TRAPPC9: variants seen among roughly 807,000 people sequenced by gnomAD.
The protein encoded by TRAPPC9 is IKK2 binding protein.
Under a neutral mutation model 124.0 loss-of-function variants are expected in TRAPPC9, and 83 were observed. The ratio of observed to expected loss-of-function variants is 0.67; its 90% CI spans 0.56 to 0.80. TRAPPC9 has a LOEUF of 0.80. Among genes scored for constraint, TRAPPC9 ranks in the 30% least tolerant of loss-of-function variants. The probability of loss-of-function intolerance (pLI) is 0.00; values close to 1 mark genes in which losing one functional copy is unlikely to be tolerated. For synonymous variants in TRAPPC9, 638 were observed against 617.5 expected (o/e 1.03, Z -0.49); for missense variants, 1,302 against 1,508.3 (o/e 0.86, Z 2.27).
At chr8:139,992,978 T>A (rs1837736642) in intron 18 of TRAPPC9, among the ~76,000 whole-genome samples, 1 of 152,046 alleles carries the variant, frequency 6.6e-6, no homozygotes. Flanking sequence ...GAACAGTTCA[T>A]GACCTTGGAA....
chr8:140,217,753 T>C (rs1488428724), intron 17 of TRAPPC9, among the ~76,000 whole-genome samples: 8 of 152,124 alleles, frequency 5.3e-5, no homozygotes, highest in Admixed American at 5.2e-4. Flanking sequence ...CGGTGGCTCA[T>C]GCCAGTAATC....
At chr8:140,382,411 GA>G (rs531842361) in intron 7 of TRAPPC9, among the ~76,000 whole-genome samples, 9 of 152,242 alleles carry the variant, frequency 5.9e-5, no homozygotes, top group Non-Finnish European at 1.2e-4. Flanking sequence ...TGTGACAGAT[GA>G]CACCTGGAAA....
chr8:140,443,160 G>A (rs1327279847), intron 2 of TRAPPC9, among the ~76,000 whole-genome samples: 1 of 119,976 alleles, frequency 8.3e-6, no homozygotes, highest in Admixed American at 9.1e-5. Flanking sequence ...AAAAAGCCAG[G>A]CGCGGTGGCT....
chr8:140,367,945 C>T (rs1187364901), intron 8 of TRAPPC9, among the ~76,000 whole-genome samples: 1 of 151,980 alleles, frequency 6.6e-6, no homozygotes, highest in Non-Finnish European at 1.5e-5. Flanking sequence ...CCAGGGAACA[C>T]CGAGGAAAAA....
intron 21 of TRAPPC9, among the ~76,000 whole-genome samples, chr8:139,882,853 TA>T (rs541594453): frequency 1.9e-3 from 282 of 152,304 alleles, no homozygotes; most frequent in Non-Finnish European, 3.2e-3. Context: ...GTCACATAGC[TA>T]ACACATGATA....
intron 11 of TRAPPC9, among the ~76,000 whole-genome samples, chr8:140,294,069 C>T (rs1320742557): frequency 1.3e-5 from 2 of 151,942 alleles, no homozygotes; most frequent in Non-Finnish European, 2.9e-5. Flanking sequence ...GGCCCGCCTG[C>T]CTGTCCTATG....
chr8:140,429,982 A>G (rs888752139), intron 4 of TRAPPC9, among the ~76,000 whole-genome samples: 1 of 151,592 alleles, frequency 6.6e-6, no homozygotes, highest in Admixed American at 6.6e-5. Flanking sequence ...CCGTGTCTCC[A>G]CTAAACATAC....
chr8:139,733,913 G>A (rs1000624177), intron 21 of TRAPPC9, among the ~76,000 whole-genome samples: 1 of 152,232 alleles, frequency 6.6e-6, no homozygotes, highest in Non-Finnish European at 1.5e-5. Flanking sequence ...GGCTCACACG[G>A]TCAGGCCAGA....
intron 21 of TRAPPC9, among the ~76,000 whole-genome samples, chr8:139,738,394 G>A (rs1818339714): frequency 1.3e-5 from 2 of 152,216 alleles, no homozygotes; most frequent in South Asian, 4.1e-4. Context: ...CTCTCCCATG[G>A]CAGAAGGAGC....
intron 17 of TRAPPC9, among the ~76,000 whole-genome samples, chr8:140,089,462 G>T (rs569268118): frequency 6.6e-6 from 1 of 152,194 alleles, no homozygotes; most frequent in African/African-American, 2.4e-5. Flanking sequence ...GTCCTACTAC[G>T]TGAAATAAGG....
intron 9 of TRAPPC9, among the ~76,000 whole-genome samples, chr8:140,327,586 G>T (rs1485242006): frequency 1.3e-5 from 2 of 152,072 alleles, no homozygotes; most frequent in Non-Finnish European, 2.9e-5. Context: ...GCCCTAAAAA[G>T]GAATGAAATT....
At chr8:140,046,756 A>G (rs1050458618) in intron 17 of TRAPPC9, among the ~76,000 whole-genome samples, 5 of 152,198 alleles carry the variant, frequency 3.3e-5, no homozygotes, top group Non-Finnish European at 7.3e-5. Context: ...GAATTGCCCC[A>G]TATTTTATAA....
intron 19 of TRAPPC9, chr8:139,931,942 C>T (rs1833171553): frequency 5.1e-6 from 1 of 194,702 alleles, no homozygotes; most frequent in South Asian, 9.7e-5. Context: ...ATAAAAATCA[C>T]CCAGAGTTGT....
chr8:139,782,717 T>C (rs1042216767), intron 21 of TRAPPC9, among the ~76,000 whole-genome samples: 1 of 152,222 alleles, frequency 6.6e-6, no homozygotes, highest in Non-Finnish European at 1.5e-5. Context: ...CTTGTTCTAA[T>C]CAATATTTAC....
chr8:140,287,745 C>G lies in TRAPPC9; in HGVS notation c.1855-11G>C, dbSNP rs751545259. 1.2e-6 allele frequency: 2 copies of G among 1,614,048 alleles called. No homozygotes were observed. Among genetic ancestry groups the G allele is most frequent in the Non-Finnish European group, 1.7e-6 (2 of 1,180,018 alleles). ...GCTGGTGAGCAGCCCCTAAACCAAG[C>G]GACGCAGCATCGTAAGCCCGGAGCA... is the stretch of plus-strand genomic sequence containing the variant. On this transcript the variant is annotated splice_polypyrimidine_tract_variant and intron_variant, in intron 12 of 22. Transcript: ENST00000438773.
intron 19 of TRAPPC9, among the ~76,000 whole-genome samples, chr8:139,955,878 C>G (rs1834939719): frequency 6.6e-6 from 1 of 152,208 alleles, no homozygotes; most frequent in Admixed American, 6.5e-5. Context: ...TCTGTGATGC[C>G]TGGTGTGGTC....
At chr8:140,086,087 C>T (rs534064965) in intron 17 of TRAPPC9, among the ~76,000 whole-genome samples, 1 of 152,284 alleles carries the variant, frequency 6.6e-6, no homozygotes, top group South Asian at 2.1e-4. Context: ...TAGCAGGTTA[C>T]CAGATCCTTC....
chr8:140,009,197 C>T (rs1305454959), intron 18 of TRAPPC9, among the ~76,000 whole-genome samples: 2 of 152,116 alleles, frequency 1.3e-5, no homozygotes, highest in African/African-American at 4.8e-5. Flanking sequence ...GAAGAACATC[C>T]ATAGACTCCC....
intron 17 of TRAPPC9, among the ~76,000 whole-genome samples, chr8:140,174,611 C>T (rs1264079083): frequency 6.6e-6 from 1 of 152,172 alleles, no homozygotes; most frequent in Admixed American, 6.5e-5. Context: ...CATCAATCTG[C>T]CTTCTGTCTC....
Sources: allele counts gnomAD v4.1 joint callset (sites outside exome capture counted in the v4.1 genomes callset), GRCh38; gene constraint gnomAD v4.1.1; transcripts MANE v1.5; gene names NCBI Gene and HGNC (gene_info 2026-07-23, HGNC 2026-07-21).